Variants in NKAIN2 observed in about 807,000 individuals in gnomAD.
The protein encoded by NKAIN2 is sodium/potassium transporting ATPase interacting 2, also known as sodium/potassium-transporting ATPase subunit beta-1-interacting protein 2.
NKAIN2 carries 14 observed loss-of-function variants against 32.6 expected under a neutral mutation model. The ratio of observed to expected loss-of-function variants is 0.43; its 90% CI spans 0.28 to 0.67. The LOEUF (loss-of-function observed/expected upper bound fraction) is 0.67, where lower values mean the gene tolerates loss of function less well. NKAIN2 is among the 30% of genes least tolerant of loss of function. The probability of loss-of-function intolerance (pLI) is 0.17; values close to 1 mark genes in which losing one functional copy is unlikely to be tolerated. For missense variants in NKAIN2, 198 were observed against 258.3 expected (o/e 0.77, Z 1.60); for synonymous variants, 80 against 87.2 (o/e 0.92, Z 0.46).
intron 3 of NKAIN2, among the ~76,000 whole-genome samples, chr6:124,620,628 C>T (rs1783070399): frequency 6.6e-6 from 1 of 152,136 alleles, no homozygotes; most frequent in South Asian, 2.1e-4. Context: ...AACACTAGTA[C>T]CTTTCATAAG....
rs1043897552 is a variant in NKAIN2 at position 124,687,741 on chromosome 6, T to C, written c.474+29355T>C. Among the ~76,000 whole-genome samples the C allele has an allele frequency of 2.0e-3, 59 of 30,018 alleles. 1 individual carries two copies. The South Asian group carries it at 0.059, about 30-fold the overall frequency. 19.7% of individuals were successfully genotyped at this position (30,018 alleles called of 152,430 possible). ...ATATATAATATAAATATATATGATA[T>C]ATACACACACACACACACACACACA... On this transcript the variant is annotated intron_variant, in intron 4 of 6. Transcript: ENST00000368417.
intron 1 of NKAIN2, among the ~76,000 whole-genome samples, chr6:123,853,156 G>A (rs190892860): frequency 1.4e-4 from 21 of 152,178 alleles, no homozygotes; most frequent in African/African-American, 4.8e-4. Context: ...TTTTGGATCA[G>A]TTTCCTATAA....
intron 3 of NKAIN2, among the ~76,000 whole-genome samples, chr6:124,590,943 A>G (rs1288385729): frequency 1.3e-5 from 2 of 152,220 alleles, no homozygotes; most frequent in African/African-American, 2.4e-5. Context: ...CAAGGGGTAC[A>G]TGATGTTTGG....
At chr6:124,139,078 A>ATTTTTTT (rs1161013269) in intron 1 of NKAIN2, among the ~76,000 whole-genome samples, 147 of 73,526 alleles carry the variant, frequency 2.0e-3, no homozygotes, top group South Asian at 8.4e-3. Flanking sequence ...TTTAAATAAA[A>ATTTTTTT]ATTTTTTTTT....
chr6:124,727,084 G>C (rs1388138994), intron 4 of NKAIN2, among the ~76,000 whole-genome samples: 3 of 152,256 alleles, frequency 2.0e-5, no homozygotes, highest in East Asian at 1.9e-4. Flanking sequence ...CGTCTGATTG[G>C]TGTACCTGAA....
At chr6:123,950,114 C>A (rs980188480) in intron 1 of NKAIN2, among the ~76,000 whole-genome samples, 1 of 151,720 alleles carries the variant, frequency 6.6e-6, no homozygotes, top group African/African-American at 2.4e-5. Flanking sequence ...TATGTAGAAC[C>A]ATCCTTGCAT....
intron 4 of NKAIN2, among the ~76,000 whole-genome samples, chr6:124,769,229 G>A (rs1778643972): frequency 6.6e-6 from 1 of 152,110 alleles, no homozygotes; most frequent in Non-Finnish European, 1.5e-5. Flanking sequence ...GGTGACACTC[G>A]GTGAGACATA....
chr6:124,530,234 T>A (rs188811507), intron 3 of NKAIN2, among the ~76,000 whole-genome samples: 4 of 152,322 alleles, frequency 2.6e-5, no homozygotes, highest in Non-Finnish European at 1.5e-5. Context: ...TAATGCATAT[T>A]TTCTATATGT....
intron 4 of NKAIN2, among the ~76,000 whole-genome samples, chr6:124,694,365 C>G (rs1343559664): frequency 6.6e-6 from 1 of 152,196 alleles, no homozygotes; most frequent in Non-Finnish European, 1.5e-5. Context: ...AATCCACCCC[C>G]CAACCCTTTC....
At chr6:124,520,231 C>A (rs1258916437) in intron 3 of NKAIN2, among the ~76,000 whole-genome samples, 2 of 152,092 alleles carry the variant, frequency 1.3e-5, no homozygotes, top group African/African-American at 4.8e-5. Flanking sequence ...AAGAGAGAGA[C>A]CATAAAGCAA....
At chr6:124,723,775 T>G (rs2114638607) in intron 4 of NKAIN2, among the ~76,000 whole-genome samples, 1 of 152,342 alleles carries the variant, frequency 6.6e-6, no homozygotes, top group Non-Finnish European at 1.5e-5. Flanking sequence ...TTTTAAAATT[T>G]TAAACTACTT....
chr6:123,812,483 A>C (rs2114866455), intron 1 of NKAIN2, among the ~76,000 whole-genome samples: 1 of 152,302 alleles, frequency 6.6e-6, no homozygotes, highest in Non-Finnish European at 1.5e-5. Flanking sequence ...AGTTTCTTGA[A>C]ATTATGTTTC....
At chr6:124,055,415 T>A (rs528599742) in intron 1 of NKAIN2, among the ~76,000 whole-genome samples, 1 of 152,182 alleles carries the variant, frequency 6.6e-6, no homozygotes, top group South Asian at 2.1e-4. Context: ...TCTTAAAGAT[T>A]GAAATTAAAA....
At chr6:124,722,672 C>G (rs1232364944) in intron 4 of NKAIN2, among the ~76,000 whole-genome samples, 2 of 152,204 alleles carry the variant, frequency 1.3e-5, no homozygotes, top group South Asian at 4.1e-4. Flanking sequence ...TGCTGCTCCC[C>G]TCCTCCTCTG....
chr6:123,991,740 T>G (rs767061995), intron 1 of NKAIN2, among the ~76,000 whole-genome samples: 51 of 151,966 alleles, frequency 3.4e-4, no homozygotes, highest in Admixed American at 7.2e-4. Flanking sequence ...TGGGCGCCTG[T>G]AGTCCCAGCT....
chr6:124,669,825 T>C (rs947906229), intron 4 of NKAIN2, among the ~76,000 whole-genome samples: 3 of 152,056 alleles, frequency 2.0e-5, no homozygotes, highest in Non-Finnish European at 2.9e-5. Context: ...ATTTTTCAAC[T>C]TTTTCTATCC....
At chr6:124,303,069 T>C (rs1037164494) in intron 2 of NKAIN2, among the ~76,000 whole-genome samples, 15 of 152,222 alleles carry the variant, frequency 9.9e-5, no homozygotes, top group Non-Finnish European at 1.8e-4. Flanking sequence ...ATGGGGTATG[T>C]ATGTGCATCT....
rs113325032 is a variant in NKAIN2 at position 123,987,850 on chromosome 6, A to G, written c.54+183596A>G. 1.5e-3 allele frequency among the ~76,000 whole-genome samples: 234 copies of G among 152,286 alleles called. 1 individual carries two copies. Among genetic ancestry groups the G allele is most frequent in the African/African-American group, 5.2e-3 (215 of 41,562 alleles). On this transcript the variant is annotated intron_variant, in intron 1 of 6. Coordinates refer to ENST00000368417, the MANE Select transcript of NKAIN2 (RefSeq NM_001040214.3). ...ATTCTGTTATCTTTTAGAGCCAGCC[A>G]TATCACAGAACTTAATCATGGGAGC...
At chr6:124,646,409 G>C (rs748348391) in intron 3 of NKAIN2, among the ~76,000 whole-genome samples, 64 of 152,228 alleles carry the variant, frequency 4.2e-4, no homozygotes, top group Middle Eastern at 6.8e-3. Context: ...AAGAAGGTGA[G>C]AGATCAGTCC....
Sources: gnomAD v4.1 joint callset for allele counts (sites outside exome capture counted in the v4.1 genomes callset) on GRCh38, gnomAD v4.1.1 for gene constraint, MANE v1.5 for transcripts, NCBI Gene and HGNC (gene_info 2026-07-23, HGNC 2026-07-21) for gene names.